Variants in GLOD4 observed in about 807,000 individuals in gnomAD.
GLOD4 encodes the protein glyoxalase domain-containing protein 4.
In GLOD4, 44 loss-of-function variants were observed where a neutral mutation model predicts 39.1. The observed-to-expected ratio is 1.13, with a 90% confidence interval of 0.88 to 1.45. The LOEUF (loss-of-function observed/expected upper bound fraction) is 1.45, where lower values mean the gene tolerates loss of function less well. Among genes scored for constraint, GLOD4 ranks in the 40% most tolerant of loss-of-function variants. The probability of loss-of-function intolerance (pLI) is 0.00; values close to 1 mark genes in which losing one functional copy is unlikely to be tolerated. For missense variants in GLOD4, 405 were observed against 366.4 expected (o/e 1.11, Z -0.86); for synonymous variants, 145 against 135.0 (o/e 1.07, Z -0.52).
At chr17:780,961 T>C (rs551496146) in intron 1 of GLOD4, among the ~76,000 whole-genome samples, 271 of 143,598 alleles carry the variant, frequency 1.9e-3, no homozygotes, top group African/African-American at 6.7e-3. Context: ...GCTTTCGTCA[T>C]CCAGGCTGGA....
chr17:784,285 A>G (rs985978881), upstream of GLOD4, among the ~76,000 whole-genome samples: 3 of 152,242 alleles, frequency 2.0e-5, no homozygotes, highest in African/African-American at 7.2e-5. Context: ...AGTGAGTCAC[A>G]GGGATCTGTG....
rs576868488 is a variant in GLOD4 at position 777,344 on chromosome 17, A to G, written c.141-356T>C. On this transcript the variant is annotated intron_variant, in intron 2 of 8. Coordinates refer to ENST00000301329, the MANE Select transcript of GLOD4 (RefSeq NM_016080.4). ...TTGGACTGTTCCAACTTGTCACGGT[A>G]CTAAGCTTAAGAGATGGACGGGCGT... The G allele has an allele frequency of 1.9e-5, 4 of 214,624 alleles. No individual in the cohort carries two copies. The East Asian group carries it at 4.0e-4, about 21-fold the overall frequency. 13.3% of individuals were successfully genotyped at this position (214,624 alleles called of 1,614,324 possible).
At chr17:782,455 C>G, upstream of GLOD4, 2 of 1,613,892 alleles carry the variant, frequency 1.2e-6, no homozygotes, top group Non-Finnish European at 1.7e-6. Context: ...GACCTTGACG[C>G]GAGGCGCTGG....
intron 3 of GLOD4, 52 bp downstream of exon 3, chr17:776,815 CA>C: frequency 7.1e-7 from 1 of 1,409,356 alleles, no homozygotes; most frequent in South Asian, 1.2e-5. Context: ...CTCAAATTTA[CA>C]ACCAGCCACC....
rs762699207 is a variant in GLOD4 at position 770,024 on chromosome 17, CCT to C, written c.744+18_744+19del. The C allele has an allele frequency of 6.4e-7, 1 of 1,570,722 alleles. No individual in the cohort carries two copies. Among genetic ancestry groups the C allele is most frequent in the Non-Finnish European group, 8.8e-7 (1 of 1,140,464 alleles). On this transcript the variant is annotated intron_variant, in intron 7 of 8. Transcript: ENST00000301329. ...AAGAAACCCCTGGTCCAGCCTGCCCCCTGCCTGAGAAATACTTACAGGGTCGG... is the reference window on the plus strand; with the variant it reads ...AAGAAACCCCTGGTCCAGCCTGCCCCGCCTGAGAAATACTTACAGGGTCGG...
At chr17:778,898 A>G (rs1364621238) in intron 1 of GLOD4, 154 bp from the exon 2 acceptor site, 1 of 596,894 alleles carries the variant, frequency 1.7e-6, no homozygotes. Flanking sequence ...CTCCCAGGAT[A>G]GAAGCAGTGG....
chr17:782,426 G>A, upstream of GLOD4: 1 of 1,614,012 alleles, frequency 6.2e-7, no homozygotes, highest in Non-Finnish European at 8.5e-7. Flanking sequence ...GACCGTTGCT[G>A]CAGGTGGTCC....
chr17:773,000 A>G (rs906958112), intron 4 of GLOD4, among the ~76,000 whole-genome samples: 1 of 152,114 alleles, frequency 6.6e-6, no homozygotes, highest in African/African-American at 2.4e-5. Flanking sequence ...GTCTCAAAAA[A>G]AAAAAAAAAA....
chr17:778,187 A>C (rs1261866857), intron 2 of GLOD4: 2 of 185,148 alleles, frequency 1.1e-5, no homozygotes, highest in African/African-American at 4.7e-5. Context: ...CCTTAGTTCC[A>C]TGAGCCACTG....
chr17:780,656 T>C (rs1282404733), intron 1 of GLOD4: 1 of 145,810 alleles, frequency 6.9e-6, no homozygotes, highest in South Asian at 2.2e-4. Context: ...GGCAGGAGAA[T>C]GGTGTGAACC....
intron 8 of GLOD4, among the ~76,000 whole-genome samples, chr17:768,018 C>A (rs1226851): frequency 7.3e-6 from 1 of 137,218 alleles, no homozygotes; most frequent in Non-Finnish European, 1.5e-5. Context: ...ACAGCGCGCA[C>A]TCAGATTTTT....
rs758142345 is a variant in GLOD4, at chr17:776,937, A to G, written c.192T>C (p.Asp64=). The G allele has an allele frequency of 1.2e-6, 2 of 1,607,998 alleles. No homozygotes were observed. The highest frequency in any genetic ancestry group is 4.5e-5 in the East Asian group (2 of 44,856). Residue 64 remains aspartate (D), a synonymous_variant, in exon 3 of 9, where the codon GAT becomes GAC. Transcript: ENST00000301329. Reference sequence around the variant, plus strand: ...AAGTCAGTTCTGCGACAAAATGATCATCCTCAGGCCCAAATCCCACCATTG... The same window carrying G: ...AAGTCAGTTCTGCGACAAAATGATCGTCCTCAGGCCCAAATCCCACCATTG... ...SKTMVGFGPE[D]DHFVAELTYN...
intron 1 of GLOD4, chr17:781,842 A>G: frequency 2.9e-6 from 1 of 346,070 alleles, no homozygotes; most frequent in South Asian, 5.9e-5. Context: ...ACTAGAAAGC[A>G]TTATATAACA....
chr17:759,382 G>A lies in GLOD4; in HGVS notation c.*791C>T, dbSNP rs1242424612. The A allele has an allele frequency of 6.6e-6, 1 of 152,146 alleles. No homozygotes were observed. The highest frequency in any genetic ancestry group is 2.4e-5 in the African/African-American group (1 of 41,426). 9.4% of individuals were successfully genotyped at this position (152,146 alleles called of 1,614,324 possible). A position where few individuals can be genotyped will look rare whatever the true frequency, so the allele number is the denominator to read the frequency against. On this transcript the variant is annotated 3_prime_UTR_variant, in exon 9 of 9. Transcript: ENST00000301329. ...AATACACAATATAATTCCATTTCGA[G>A]TGATTAAAACCTATTTGTTGTTTAG...
intron 8 of GLOD4, among the ~76,000 whole-genome samples, chr17:762,312 C>G (rs1446931800): frequency 1.3e-5 from 2 of 152,242 alleles, no homozygotes; most frequent in African/African-American, 4.8e-5. Context: ...AGGATTCCAG[C>G]GTGAACAACT....
At chr17:778,769 G>A (rs1909376840) in intron 1 of GLOD4, 25 bp from the exon 2 acceptor site, 1 of 1,513,474 alleles carries the variant, frequency 6.6e-7, no homozygotes, top group Admixed American at 1.7e-5. Flanking sequence ...AGAATAAATT[G>A]TGAAGTGTTG....
At chr17:768,887 TGAGA>T (rs1296415786) in intron 8 of GLOD4, among the ~76,000 whole-genome samples, 1 of 139,008 alleles carries the variant, frequency 7.2e-6, no homozygotes, top group South Asian at 2.3e-4. Flanking sequence ...GGAGAGGATG[TGAGA>T]GAGAGAAACA....
intron 2 of GLOD4, chr17:778,390 C>G (rs1244809084): frequency 8.5e-6 from 4 of 467,900 alleles, no homozygotes; most frequent in Non-Finnish European, 1.1e-5. Flanking sequence ...GGACAGCCGG[C>G]TGGTGTTAGA....
chr17:769,806 C>A, intron 8 of GLOD4, 63 bp downstream of exon 8: 1 of 980,436 alleles, frequency 1.0e-6, no homozygotes. Flanking sequence ...AGTCTCCTCC[C>A]ACACACACTT....
Sources: allele counts gnomAD v4.1 joint callset (sites outside exome capture counted in the v4.1 genomes callset), GRCh38; gene constraint gnomAD v4.1.1; transcripts MANE v1.5; gene names NCBI Gene and HGNC (gene_info 2026-07-23, HGNC 2026-07-21).